Variants in NECTIN3 observed in about 807,000 individuals in gnomAD.
NECTIN3 encodes nectin cell adhesion molecule 3.
A neutral mutation model predicts 49.4 loss-of-function variants in NECTIN3; 8 were observed. The observed-to-expected ratio is 0.16, with a 90% CI of 0.10 to 0.29. The LOEUF is 0.29. NECTIN3 is among the 10% of genes least tolerant of loss of function. The probability of loss-of-function intolerance (pLI) is 1.00; values close to 1 mark genes in which losing one functional copy is unlikely to be tolerated. For synonymous variants in NECTIN3, 277 were observed against 241.1 expected (o/e 1.15, Z -1.38); for missense variants, 581 against 654.6 (o/e 0.89, Z 1.23).
chr3:111,178,472 T>C (rs955717229), intron 7 of NECTIN3, among the ~76,000 whole-genome samples: 11 of 152,216 alleles, frequency 7.2e-5, no homozygotes, highest in African/African-American at 1.9e-4. Context: ...GGCATTATCC[T>C]ACAACAAATG....
At chr3:111,158,012 C>T (rs1032069988) in intron 7 of NECTIN3, among the ~76,000 whole-genome samples, 2 of 152,018 alleles carry the variant, frequency 1.3e-5, no homozygotes, top group Non-Finnish European at 2.9e-5. Context: ...TGCCAATCCA[C>T]ATAACATTGA....
chr3:111,146,373 G>T (rs2034876626), intron 6 of NECTIN3, among the ~76,000 whole-genome samples: 1 of 149,560 alleles, frequency 6.7e-6, no homozygotes, highest in Non-Finnish European at 1.5e-5. Context: ...GGCGGAGCTT[G>T]CAGTGAGCGG....
At chr3:111,110,238 G>T (rs915226655) in intron 1 of NECTIN3, among the ~76,000 whole-genome samples, 10 of 151,486 alleles carry the variant, frequency 6.6e-5, no homozygotes, top group African/African-American at 2.4e-4. Context: ...CAATGATAGT[G>T]CACCATCTTG....
intron 7 of NECTIN3, among the ~76,000 whole-genome samples, chr3:111,167,203 A>T (rs1376713064): frequency 6.6e-6 from 1 of 152,232 alleles, no homozygotes; most frequent in Non-Finnish European, 1.5e-5. Context: ...ATAACTCTAC[A>T]TCTGGAGATA....
rs2034562870 is a variant in NECTIN3 at position 111,136,022 on chromosome 3, A to T, written c.*1807A>T. On this transcript the variant is annotated 3_prime_UTR_variant, in exon 6 of 6. Coordinates refer to ENST00000485303, the MANE Select transcript of NECTIN3 (RefSeq NM_015480.3). ...ACAACTTTTTAGTGCAAGTTTTTGG[A>T]AGAAAACTTTTTGATAAAACACTGT... The T allele has an allele frequency of 1.0e-6, 1 of 975,638 alleles. No homozygotes were observed. The highest frequency in any genetic ancestry group is 1.2e-6 in the Non-Finnish European group (1 of 821,310). The allele number at this position is 975,638 out of a possible 1,614,324, so 60.4% of individuals were successfully genotyped here. A position where few individuals can be genotyped will look rare whatever the true frequency, so the allele number is the denominator to read the frequency against.
At chr3:111,113,011 A>G (rs538691386) in intron 2 of NECTIN3, among the ~76,000 whole-genome samples, 21 of 152,332 alleles carry the variant, frequency 1.4e-4, no homozygotes, top group Non-Finnish European at 2.4e-4. Flanking sequence ...TTGAGGAGCA[A>G]TAGCAACTGG....
intron 7 of NECTIN3, among the ~76,000 whole-genome samples, chr3:111,150,234 G>A (rs531210341): frequency 6.6e-6 from 1 of 151,956 alleles, no homozygotes; most frequent in East Asian, 1.9e-4. Context: ...TGAGGCTTTT[G>A]AAGTTATTTT....
intron 7 of NECTIN3, among the ~76,000 whole-genome samples, chr3:111,150,736 A>G (rs1007193602): frequency 1.1e-4 from 17 of 151,964 alleles, no homozygotes; most frequent in African/African-American, 3.4e-4. Context: ...ATATACTTCA[A>G]CTAAACAACA....
upstream of NECTIN3, among the ~76,000 whole-genome samples, chr3:111,187,903 A>C (rs1447435961): frequency 1.3e-5 from 2 of 152,334 alleles, no homozygotes; most frequent in African/African-American, 4.8e-5. Flanking sequence ...GTTTGTTACA[A>C]CACCAAGAGT....
intron 2 of NECTIN3, among the ~76,000 whole-genome samples, chr3:111,113,275 A>G (rs111342973): frequency 4.6e-5 from 7 of 152,270 alleles, no homozygotes; most frequent in African/African-American, 1.4e-4. Flanking sequence ...TTAATGGAAT[A>G]TGACCATTGG....
chr3:111,118,316 T>G (rs1221473506), intron 2 of NECTIN3, among the ~76,000 whole-genome samples: 1 of 137,232 alleles, frequency 7.3e-6, no homozygotes, highest in Non-Finnish European at 1.6e-5. Flanking sequence ...TCCAGAGAAG[T>G]AATACCTTTA....
intron 7 of NECTIN3, among the ~76,000 whole-genome samples, chr3:111,169,791 G>A (rs2035400179): frequency 6.6e-6 from 1 of 152,144 alleles, no homozygotes. Context: ...AATGCATATG[G>A]AAGCATACCA....
At chr3:111,079,734 A>G (rs901902353) in intron 1 of NECTIN3, among the ~76,000 whole-genome samples, 7 of 151,760 alleles carry the variant, frequency 4.6e-5, no homozygotes, top group Non-Finnish European at 8.8e-5. Flanking sequence ...AAAACTCTGC[A>G]TTTCTGCTTG....
At chr3:111,092,036 G>T (rs1576086013) in intron 1 of NECTIN3, among the ~76,000 whole-genome samples, 1 of 152,258 alleles carries the variant, frequency 6.6e-6, no homozygotes, top group East Asian at 1.9e-4. Flanking sequence ...TACCGTGATG[G>T]CTGATGATGT....
chr3:111,073,178 C>T (rs767424845), intron 1 of NECTIN3, among the ~76,000 whole-genome samples: 8 of 152,056 alleles, frequency 5.3e-5, no homozygotes, highest in Non-Finnish European at 1.0e-4. Flanking sequence ...TATTTGAGGG[C>T]TCTTGGTAAG....
Position 111,134,671 on chromosome 3 carries a change from A to C in NECTIN3, c.*456A>C, listed in dbSNP as rs1157290507. 4.7e-6 allele frequency: 4 copies of C among 855,588 alleles called. No homozygotes were observed. Among genetic ancestry groups the C allele is most frequent in the Non-Finnish European group, 5.6e-6 (4 of 712,020 alleles). 53.0% of individuals were successfully genotyped at this position (855,588 alleles called of 1,614,324 possible). A position where few individuals can be genotyped will look rare whatever the true frequency, so the allele number is the denominator to read the frequency against. ...TGCATCAAAATTGACTATAAAACTA[A>C]TTCAAGAAATATTTATATATATTTT... is the stretch of plus-strand genomic sequence containing the variant. On this transcript the variant is annotated 3_prime_UTR_variant, in exon 6 of 6. Coordinates refer to ENST00000485303, the MANE Select transcript of NECTIN3 (RefSeq NM_015480.3).
chr3:111,150,233 T>A (rs1559809362), intron 7 of NECTIN3, among the ~76,000 whole-genome samples: 1 of 152,000 alleles, frequency 6.6e-6, no homozygotes, highest in Non-Finnish European at 1.5e-5. Flanking sequence ...ATGAGGCTTT[T>A]GAAGTTATTT....
chr3:111,108,949 G>A (rs1559782995), intron 1 of NECTIN3, among the ~76,000 whole-genome samples: 1 of 152,072 alleles, frequency 6.6e-6, no homozygotes, highest in Non-Finnish European at 1.5e-5. Context: ...ACCATTGCAG[G>A]CTGCTATAAC....
At position 111,151,943 on chromosome 3, in the gene NECTIN3, G is replaced by A. The variant is rs75754256; in HGVS notation, c.1221+4459G>A. Among the ~76,000 whole-genome samples the A allele has an allele frequency of 7.0e-3, 1,064 of 151,280 alleles. 48 individuals carry two copies. In the East Asian group the frequency reaches 0.11, roughly 16 times the overall value. On this transcript the variant is annotated intron_variant, in intron 7 of 8. Transcript: ENST00000493615. ...TCTTGGCACTGTTTCTTTAAGCATA[G>A]ACAAGAAAACACACACACACACACA...
Sources: allele counts gnomAD v4.1 joint callset (sites outside exome capture counted in the v4.1 genomes callset), GRCh38; gene constraint gnomAD v4.1.1; transcripts MANE v1.5; gene names NCBI Gene and HGNC (gene_info 2026-07-23, HGNC 2026-07-21).